Variants in PPP2R5C observed in about 807,000 individuals in gnomAD.
The protein encoded by PPP2R5C is serine/threonine-protein phosphatase 2A 56 kDa regulatory subunit gamma isoform.
Under a neutral mutation model 68.9 loss-of-function variants are expected in PPP2R5C, and 7 were observed. The observed-to-expected ratio is 0.10, with a 90% CI of 0.06 to 0.19. The LOEUF (loss-of-function observed/expected upper bound fraction) is 0.19, where lower values mean the gene tolerates loss of function less well. PPP2R5C is among the 10% of genes least tolerant of loss of function. PPP2R5C has a pLI of 1.00. For synonymous variants in PPP2R5C, 210 were observed against 222.2 expected (o/e 0.95, Z 0.49); for missense variants, 348 against 641.3 (o/e 0.54, Z 4.94).
Position 101,797,377 on chromosome 14 carries a change from T to C in PPP2R5C, c.259+11194T>C, listed in dbSNP as rs2038663460. 1 of 440,490 alleles carries C rather than the reference T, an allele frequency of 2.3e-6. No homozygotes were observed. The highest frequency in any genetic ancestry group is 2.0e-5 in the African/African-American group (1 of 49,816). 27.3% of individuals were successfully genotyped at this position (440,490 alleles called of 1,614,324 possible). A position where few individuals can be genotyped will look rare whatever the true frequency, so the allele number is the denominator to read the frequency against. On this transcript the variant is annotated intron_variant, in intron 3 of 14. Transcript: ENST00000328724. This position sits in a 1 kb window ranked among gnomAD's most constrained non-coding sequence, Gnocchi z 4.2. ...TTCAGTCAGTACACGAGTTAACAGT[T>C]GCGTGCTTGTCTGCCTGTGTCATCC...
At chr14:101,823,915 A>G (rs779963850) in intron 1 of PPP2R5C, 11 of 1,279,856 alleles carry the variant, frequency 8.6e-6, no homozygotes, top group Non-Finnish European at 1.1e-5. Flanking sequence ...CTAGAAAAAC[A>G]AGAGATGCAG....
chr14:101,798,217 T>C (rs1325240217), intron 3 of PPP2R5C, among the ~76,000 whole-genome samples: 3 of 152,106 alleles, frequency 2.0e-5, no homozygotes, highest in African/African-American at 7.2e-5. Context: ...GCCACTGTTC[T>C]CTAGGTTCAG....
intron 2 of PPP2R5C, among the ~76,000 whole-genome samples, chr14:101,881,068 A>G (rs958489449): frequency 6.6e-6 from 1 of 152,152 alleles, no homozygotes; most frequent in African/African-American, 2.4e-5. Flanking sequence ...CAGAGATTCA[A>G]TAAGGTAACC....
At chr14:101,902,235 G>A (rs531547031) in intron 9 of PPP2R5C, among the ~76,000 whole-genome samples, 17 of 152,088 alleles carry the variant, frequency 1.1e-4, no homozygotes, top group Non-Finnish European at 1.8e-4. Context: ...CCAAAGCCTC[G>A]GCTCTGAGAT....
chr14:101,762,352 C>G (rs1273657112), intron 1 of PPP2R5C, among the ~76,000 whole-genome samples: 3 of 152,140 alleles, frequency 2.0e-5, no homozygotes, highest in African/African-American at 7.2e-5. Flanking sequence ...GGGAGGGACC[C>G]CTGTACGGGG....
exon 1 of PPP2R5C, chr14:101,809,985 G>A (rs1372674611): frequency 6.2e-7 from 1 of 1,613,998 alleles, no homozygotes; most frequent in South Asian, 1.1e-5. Context: ...GGTGGTGGAT[G>A]CGGCCAACTC....
At chr14:101,914,304 C>T (rs1279953837) in intron 12 of PPP2R5C, 1 of 410,616 alleles carries the variant, frequency 2.4e-6, no homozygotes. Context: ...ATGCTCTAGT[C>T]GCATGGCACA....
rs115276343 is a variant in PPP2R5C at position 101,912,157 on chromosome 14, G to A, written c.1254-244G>A. Among the ~76,000 whole-genome samples, 958 of 152,264 alleles carry A rather than the reference G, an allele frequency of 6.3e-3. 12 individuals are homozygous for A. The highest frequency in any genetic ancestry group is 0.022 in the African/African-American group (899 of 41,532). The stretch of plus-strand genomic sequence containing the variant: ...AGGGGGAAGGATTGAGACATAAGAC[G>A]TACTTATATAAGATTTCTTTTAAGA... On this transcript the variant is annotated intron_variant, in intron 11 of 13. Coordinates refer to ENST00000334743, the Ensembl canonical transcript of PPP2R5C.
exon 1 of PPP2R5C, chr14:101,810,023 TCTC>T (rs760274550): frequency 6.2e-7 from 1 of 1,613,884 alleles, no homozygotes; most frequent in Non-Finnish European, 8.5e-7. Context: ...CCGTGGTCCT[TCTC>T]CATATTCGAG....
chr14:101,821,140 A>G (rs1187517386), intron 1 of PPP2R5C: 1 of 152,066 alleles, frequency 6.6e-6, no homozygotes, highest in Non-Finnish European at 1.5e-5. Context: ...CAGTGGAATC[A>G]TCTAAACTGG....
chr14:101,887,198 C>T (rs1169781082), intron 5 of PPP2R5C, among the ~76,000 whole-genome samples: 1 of 152,226 alleles, frequency 6.6e-6, no homozygotes, highest in Non-Finnish European at 1.5e-5. Context: ...CTGTCCATAA[C>T]CCATGGTGCC....
Position 101,787,732 on chromosome 14 carries a change from A to G in PPP2R5C, c.259+1549A>G, listed in dbSNP as rs192137211. ...CAGTGAGCTGAGATCGTGCCACTGC[A>G]CTCCAGCCTGGGCGACAGAGCGAGA... On this transcript the variant is annotated intron_variant, in intron 3 of 14. Transcript: ENST00000328724. Among the ~76,000 whole-genome samples the G allele has an allele frequency of 1.8e-4, 26 of 142,446 alleles. 1 individual carries two copies. In the East Asian group the frequency reaches 3.9e-3, roughly 21 times the overall value. The allele number at this position is 142,446 out of a possible 152,430, so 93.5% of individuals were successfully genotyped here. A position where few individuals can be genotyped will look rare whatever the true frequency, so the allele number is the denominator to read the frequency against.
At position 101,891,639 on chromosome 14, in the gene PPP2R5C, G is replaced by A. The variant is rs2044934614; in HGVS notation, c.689+1343G>A. 6.6e-6 allele frequency among the ~76,000 whole-genome samples: 1 copy of A among 152,172 alleles called. No individual in the cohort carries two copies. The highest frequency in any genetic ancestry group is 2.1e-4 in the South Asian group (1 of 4,828). On this transcript the variant is annotated intron_variant, in intron 6 of 13. Coordinates refer to ENST00000334743, the Ensembl canonical transcript of PPP2R5C. The surrounding 1 kb of genome is among the most constrained non-coding windows in gnomAD (Gnocchi z 4.9). The stretch of plus-strand genomic sequence containing the variant: ...ATAGGGCCGCCGGGCAGCTCCCGCC[G>A]AGAGGCTGATTAGTTTTATCCTTCT...
chr14:101,818,721 G>T, intron 1 of PPP2R5C: 1 of 272,800 alleles, frequency 3.7e-6, no homozygotes, highest in South Asian at 6.1e-5. Flanking sequence ...GTTTTTAAAT[G>T]CAGATGTTGC....
intron 2 of PPP2R5C, among the ~76,000 whole-genome samples, chr14:101,865,553 C>T (rs566392478): frequency 4.6e-5 from 7 of 152,330 alleles, no homozygotes; most frequent in East Asian, 1.9e-4. Flanking sequence ...GGGAGGGAGT[C>T]GTGTGCTTCT....
chr14:101,804,173 T>C lies in PPP2R5C; in HGVS notation c.259+17990T>C, dbSNP rs570854102. Among the ~76,000 whole-genome samples the C allele has an allele frequency of 1.1e-4, 17 of 152,256 alleles. No individual in the cohort carries two copies. The East Asian group carries it at 2.7e-3, about 24-fold the overall frequency. ...AATGCAAATCAAAACTACAATGAGA[T>C]ACCATCTCATACCAGTTAAAATGGC... On this transcript the variant is annotated intron_variant, in intron 3 of 14. Coordinates refer to the PPP2R5C transcript ENST00000328724.
chr14:101,917,981 G>C lies in PPP2R5C; in HGVS notation c.1443+34G>C. ...GCACCGAGCTCAGCTGGGCACCCAT[G>C]ACTGATTTGCTTAAGAAATGCACAT... On this transcript the variant is annotated intron_variant, in intron 13 of 13. Transcript: ENST00000334743. The surrounding 1 kb of genome is among the most constrained non-coding windows in gnomAD (Gnocchi z 4.4). 1.9e-6 allele frequency: 3 copies of C among 1,612,926 alleles called. No homozygotes were observed. Among genetic ancestry groups the C allele is most frequent in the Non-Finnish European group, 2.5e-6 (3 of 1,179,290 alleles).
chr14:101,892,727 A>G (rs372330625), intron 6 of PPP2R5C, among the ~76,000 whole-genome samples: 3 of 152,094 alleles, frequency 2.0e-5, no homozygotes, highest in African/African-American at 7.2e-5. Flanking sequence ...ACAGACCCCT[A>G]TATAGGATCT....
intron 3 of PPP2R5C, among the ~76,000 whole-genome samples, chr14:101,788,110 G>T (rs769130456): frequency 3.9e-5 from 6 of 152,304 alleles, no homozygotes; most frequent in Non-Finnish European, 8.8e-5. Flanking sequence ...GAGTCAGAGG[G>T]AGGGAAAAGG....
Sources: gnomAD v4.1 joint callset for allele counts (sites outside exome capture counted in the v4.1 genomes callset) on GRCh38, gnomAD v4.1.1 for gene constraint, Gnocchi (gnomAD v3.1) non-coding constraint, MANE v1.5 for transcripts, NCBI Gene and HGNC (gene_info 2026-07-23, HGNC 2026-07-21) for gene names.